SUGCT: variants seen among roughly 807,000 people sequenced by gnomAD.
SUGCT encodes succinyl-CoA:glutarate CoA-transferase.
SUGCT carries 41 observed loss-of-function variants against 55.0 expected under a neutral mutation model. The observed-to-expected ratio is 0.74, with a 90% confidence interval of 0.58 to 0.97. The LOEUF is 0.97. Ranked by LOEUF, SUGCT falls within the 50% of genes least tolerant of loss-of-function variation. The probability of loss-of-function intolerance (pLI) is 0.00; values close to 1 mark genes in which losing one functional copy is unlikely to be tolerated. For synonymous variants in SUGCT, 187 were observed against 200.4 expected, an observed-to-expected ratio of 0.93 and a Z score of 0.56; for missense variants, 568 against 547.8, an observed-to-expected ratio of 1.04 and a Z score of -0.37.
At chr7:40,490,609 A>G (rs1187454066) in intron 11 of SUGCT, among the ~76,000 whole-genome samples, 1 of 152,116 alleles carries the variant, frequency 6.6e-6, no homozygotes, top group African/African-American at 2.4e-5. Flanking sequence ...TCAGACTGGT[A>G]CTTTTGCCTG....
chr7:40,402,575 T>G (rs999478637), intron 9 of SUGCT, among the ~76,000 whole-genome samples: 6 of 152,128 alleles, frequency 3.9e-5, no homozygotes, highest in African/African-American at 1.4e-4. Flanking sequence ...TACTGTTTAT[T>G]GGTACCTGTT....
chr7:40,217,104 G>T (rs1196405080), intron 6 of SUGCT, among the ~76,000 whole-genome samples: 1 of 152,082 alleles, frequency 6.6e-6, no homozygotes, highest in Non-Finnish European at 1.5e-5. Flanking sequence ...CTAGTCTGTT[G>T]TCTTAACTGC....
chr7:40,865,633 GT>G (rs1481105913), downstream of SUGCT, among the ~76,000 whole-genome samples: 3 of 152,204 alleles, frequency 2.0e-5, no homozygotes, highest in Non-Finnish European at 4.4e-5. Flanking sequence ...GGGTCTTGCT[GT>G]TGTGGTTACA....
At chr7:40,288,717 AT>A (rs11324272) in intron 8 of SUGCT, among the ~76,000 whole-genome samples, 45,272 of 151,872 alleles carry the variant, frequency 0.3, 7,097 homozygotes, top group East Asian at 0.46. Context: ...TTGATTATAT[AT>A]TTTATTCAAC....
Position 40,334,578 on chromosome 7 carries a change from C to T in SUGCT, c.816+17723C>T, listed in dbSNP as rs1419743282. Among the ~76,000 whole-genome samples, 14 of 152,084 alleles carry T rather than the reference C, an allele frequency of 9.2e-5. 1 individual carries two copies. The highest frequency in any genetic ancestry group is 4.2e-4 in the South Asian group (2 of 4,814). On this transcript the variant is annotated intron_variant, in intron 9 of 13. Transcript: ENST00000335693. Reference sequence around the variant, plus strand: ...TTGAGAAGTGTCTGTTCATATCCTTCGCTCACTTTTTGAAGGGGTTGTTTG... The same window carrying T: ...TTGAGAAGTGTCTGTTCATATCCTTTGCTCACTTTTTGAAGGGGTTGTTTG...
At chr7:40,533,508 A>G (rs1270888258) in intron 12 of SUGCT, among the ~76,000 whole-genome samples, 3 of 152,008 alleles carry the variant, frequency 2.0e-5, no homozygotes, top group African/African-American at 7.2e-5. Context: ...AATATTTTTG[A>G]CATATTTTCC....
At chr7:40,511,315 T>G (rs1447964379) in intron 12 of SUGCT, among the ~76,000 whole-genome samples, 2 of 152,132 alleles carry the variant, frequency 1.3e-5, no homozygotes, top group African/African-American at 4.8e-5. Context: ...CCATTGTCCC[T>G]AAGCTGACCA....
intron 12 of SUGCT, among the ~76,000 whole-genome samples, chr7:40,710,140 T>C (rs1182983838): frequency 1.3e-5 from 2 of 152,200 alleles, no homozygotes; most frequent in Non-Finnish European, 2.9e-5. Flanking sequence ...TTGCTCCTCT[T>C]TTCAAAATTC....
chr7:40,454,663 A>G (rs182972273), intron 10 of SUGCT, among the ~76,000 whole-genome samples: 1 of 152,186 alleles, frequency 6.6e-6, no homozygotes, highest in South Asian at 2.1e-4. Context: ...GATTAACTGC[A>G]TATTTTTTTG....
At chr7:40,688,576 C>T (rs1057164612) in intron 12 of SUGCT, among the ~76,000 whole-genome samples, 7 of 151,802 alleles carry the variant, frequency 4.6e-5, no homozygotes, top group Admixed American at 1.3e-4. Context: ...AGATAAGTTA[C>T]AAAATTTCTA....
chr7:40,423,398 T>C (rs995789361), intron 9 of SUGCT, among the ~76,000 whole-genome samples: 2 of 152,134 alleles, frequency 1.3e-5, no homozygotes, highest in Non-Finnish European at 2.9e-5. Context: ...TGTGACTAAA[T>C]TTATTTGGCA....
chr7:40,598,102 GAT>G lies in SUGCT; in HGVS notation c.1089+101718_1089+101719del, dbSNP rs1241753128. Among the ~76,000 whole-genome samples the G allele has an allele frequency of 4.6e-5, 7 of 152,214 alleles. No individual in the cohort carries two copies. The East Asian group carries it at 1.3e-3, about 29-fold the overall frequency. Reference sequence around the variant, plus strand: ...CAAGTGGATTCTCATCTGCTGGAGTGATAATATCCTTGCAGGTCCAGATCTCT... The same window carrying G: ...CAAGTGGATTCTCATCTGCTGGAGTGAATATCCTTGCAGGTCCAGATCTCT... On this transcript the variant is annotated intron_variant, in intron 12 of 13. Transcript: ENST00000335693.
intron 12 of SUGCT, among the ~76,000 whole-genome samples, chr7:40,595,038 A>G (rs1020301747): frequency 2.0e-5 from 3 of 152,350 alleles, no homozygotes; most frequent in South Asian, 2.1e-4. Flanking sequence ...AAGAGGTTGC[A>G]TAAGACATCA....
intron 12 of SUGCT, among the ~76,000 whole-genome samples, chr7:40,527,804 G>T (rs1466167317): frequency 6.6e-6 from 1 of 152,176 alleles, no homozygotes; most frequent in Admixed American, 6.5e-5. Flanking sequence ...AAGACCCAAT[G>T]ATCAGGTCAT....
intron 12 of SUGCT, among the ~76,000 whole-genome samples, chr7:40,719,232 T>C (rs1258140859): frequency 6.6e-6 from 1 of 152,244 alleles, no homozygotes; most frequent in Admixed American, 6.5e-5. Flanking sequence ...TTTCTGAAAC[T>C]GTCTGGCCAT....
chr7:40,724,244 C>G (rs1786496861), intron 12 of SUGCT, among the ~76,000 whole-genome samples: 1 of 152,122 alleles, frequency 6.6e-6, no homozygotes, highest in South Asian at 2.1e-4. Flanking sequence ...TGCAAATGAC[C>G]ATTGCCACAT....
chr7:40,905,890 A>T, the SUGCT span, among the ~76,000 whole-genome samples: 1 of 151,636 alleles, frequency 6.6e-6, no homozygotes, highest in African/African-American at 2.4e-5. Flanking sequence ...GCTAATTTTT[A>T]AATTTTTTGT....
At chr7:40,356,319 T>C (rs776329477) in intron 9 of SUGCT, among the ~76,000 whole-genome samples, 43 of 152,218 alleles carry the variant, frequency 2.8e-4, no homozygotes, top group Non-Finnish European at 8.8e-5. Flanking sequence ...AAACATATTG[T>C]CAAATCCGCA....
intron 12 of SUGCT, among the ~76,000 whole-genome samples, chr7:40,565,876 C>T (rs1197877248): frequency 6.6e-6 from 1 of 151,958 alleles, no homozygotes; most frequent in East Asian, 1.9e-4. Context: ...TTATGTAGGA[C>T]TCTGCTCAAA....
Sources: gnomAD v4.1 joint callset for allele counts (sites outside exome capture counted in the v4.1 genomes callset) on GRCh38, gnomAD v4.1.1 for gene constraint, MANE v1.5 for transcripts, NCBI Gene and HGNC (gene_info 2026-07-23, HGNC 2026-07-21) for gene names.